Variants in FLCN observed in about 807,000 individuals in gnomAD.
FLCN encodes folliculin.
FLCN carries 22 observed loss-of-function variants against 62.5 expected under a neutral mutation model. The ratio of observed to expected loss-of-function variants is 0.35; its 90% confidence interval spans 0.25 to 0.50. The LOEUF (loss-of-function observed/expected upper bound fraction) is 0.50. Ranked by LOEUF, FLCN falls within the 20% of genes least tolerant of loss-of-function variation. FLCN has a pLI of 0.97. For synonymous variants in FLCN, 319 were observed against 310.0 expected, an observed-to-expected ratio of 1.03 and a Z score of -0.30; for missense variants, 657 against 778.0, an observed-to-expected ratio of 0.84 and a Z score of 1.85.
chr17:17,224,180 C>T lies in FLCN; in HGVS notation c.397-37G>A, dbSNP rs776200124. On this transcript the variant is annotated intron_variant, in intron 5 of 13. Transcript: ENST00000285071. ...CCGGCGACTCAGACAGCCCTTTCCT[C>T]GCTTAGTGACACCAAATCAAAGCCT... The T allele has an allele frequency of 2.4e-5, 37 of 1,525,970 alleles. No individual in the cohort carries two copies. The highest frequency in any genetic ancestry group is 2.1e-4 in the African/African-American group (15 of 72,748). 94.5% of individuals were successfully genotyped at this position (1,525,970 alleles called of 1,614,324 possible). A position where few individuals can be genotyped will look rare whatever the true frequency, so the allele number is the denominator to read the frequency against.
chr17:17,216,413 G>A lies in FLCN; in HGVS notation c.1267C>T (p.His423Tyr), dbSNP rs765628527. The A allele has an allele frequency of 3.1e-6, 5 of 1,613,766 alleles. No homozygotes were observed. The East Asian group carries it at 1.1e-4, about 36-fold the overall frequency. ...YRCNFLGLSP[H>Y]VQIPPHVLSS... ...AGCACGTGGGGGGGGATCTGCACGTGCGGGCTGAGCCCCAGGAAGTTGCAC... is the reference window on the plus strand; with the variant it reads ...AGCACGTGGGGGGGGATCTGCACGTACGGGCTGAGCCCCAGGAAGTTGCAC... Residue 423 changes from histidine to tyrosine, a missense_variant, in exon 11 of 14, where the codon CAC (histidine) becomes TAC (tyrosine). Physicochemically the swap from His to Tyr is moderately conservative, Grantham distance 83. Coordinates refer to ENST00000285071, the MANE Select transcript of FLCN (RefSeq NM_144997.7). This position sits in a 1 kb window ranked among gnomAD's most constrained non-coding sequence, Gnocchi z 4.0.
chr17:17,214,480 G>A (rs540440053), intron 13 of FLCN, among the ~76,000 whole-genome samples: 183 of 152,182 alleles, frequency 1.2e-3, no homozygotes, highest in African/African-American at 4.2e-3. Flanking sequence ...TGTAATCCCA[G>A]CTACTCCAGA....
At chr17:17,224,376 G>A (rs2047189909) in intron 5 of FLCN, 2 of 571,956 alleles carry the variant, frequency 3.5e-6, no homozygotes, top group South Asian at 3.9e-5. Context: ...AAGGCTTATT[G>A]CTTTTCTTCC....
chr17:17,229,778 G>A (rs1431768164), intron 3 of FLCN, among the ~76,000 whole-genome samples: 1 of 152,222 alleles, frequency 6.6e-6, no homozygotes, highest in Admixed American at 6.5e-5. Flanking sequence ...TCACAGGAGT[G>A]GGTAGAGAGA....
chr17:17,221,170 C>A (rs968165615), intron 8 of FLCN: 1 of 1,461,370 alleles, frequency 6.8e-7, no homozygotes, highest in African/African-American at 1.4e-5. Context: ...TTGGGACGAA[C>A]TGAAACAGAA....
chr17:17,233,364 G>A (rs1030825957), intron 1 of FLCN, among the ~76,000 whole-genome samples: 25 of 152,138 alleles, frequency 1.6e-4, no homozygotes, highest in Non-Finnish European at 3.2e-4. Context: ...TTGGGAGGCC[G>A]AGGTGGGCAG....
chr17:17,234,601 T>G (rs1396500197), intron 1 of FLCN, among the ~76,000 whole-genome samples: 4 of 150,948 alleles, frequency 2.6e-5, no homozygotes, highest in African/African-American at 9.7e-5. Context: ...CCCAGCACTT[T>G]GGGAGGCCAA....
At chr17:17,233,624 A>T (rs1467066877) in intron 1 of FLCN, among the ~76,000 whole-genome samples, 5 of 137,432 alleles carry the variant, frequency 3.6e-5, no homozygotes, top group Non-Finnish European at 6.3e-5. Context: ...AAAAAAAATT[A>T]GCCGGGCATG....
chr17:17,218,676 C>T (rs79567451), intron 9 of FLCN, among the ~76,000 whole-genome samples: 3,143 of 152,242 alleles, frequency 0.021, 110 homozygotes, highest in African/African-American at 0.071. Context: ...CCACCACGCC[C>T]AGCCAGACCA....
rs2047117873 is a variant in FLCN, at chr17:17,222,368, A to C, written c.779+133T>G. 1.4e-5 allele frequency: 18 copies of C among 1,282,338 alleles called. No homozygotes were observed. In the South Asian group the frequency reaches 2.2e-4, roughly 15 times the overall value. The allele number at this position is 1,282,338 out of a possible 1,614,324, so 79.4% of individuals were successfully genotyped here. A position where few individuals can be genotyped will look rare whatever the true frequency, so the allele number is the denominator to read the frequency against. On this transcript the variant is annotated intron_variant, in intron 7 of 13. Coordinates refer to ENST00000285071, the MANE Select transcript of FLCN (RefSeq NM_144997.7). ...TCTGTGCTCACTGACAAGTGCCCAC[A>C]GGCCAGTGCTCCTCACAGAGGCAGC...
At chr17:17,222,810 G>C in intron 6 of FLCN, 149 bp from the exon 7 acceptor site, 2 of 871,802 alleles carry the variant, frequency 2.3e-6, no homozygotes, top group South Asian at 2.8e-5. Context: ...AGTGCCACCA[G>C]TCCAATCATT....
chr17:17,233,650 A>C (rs1473346377), intron 1 of FLCN, among the ~76,000 whole-genome samples: 1 of 144,118 alleles, frequency 6.9e-6, no homozygotes. Flanking sequence ...AGTCCAAGTT[A>C]CTTGGGGGAC....
Position 17,212,233 on chromosome 17 carries a change from T to G in FLCN, c.*1422A>C, listed in dbSNP as rs2046785359. 5.9e-6 allele frequency: 1 copy of G among 168,706 alleles called. No homozygotes were observed. Among genetic ancestry groups the G allele is most frequent in the Non-Finnish European group, 1.3e-5 (1 of 77,320 alleles). The allele number at this position is 168,706 out of a possible 1,614,324, so 10.5% of individuals were successfully genotyped here. ...ACAATTTACAAAAATACATCTTTAT[T>G]GTGTTCCAATGTTGTTGCATTATAC... On this transcript the variant is annotated 3_prime_UTR_variant, in exon 14 of 14. Transcript: ENST00000285071.
chr17:17,223,979 G>A lies in FLCN; in HGVS notation c.561C>T (p.Pro187=), dbSNP rs1267713990. The change falls in exon 6 of 14, where the codon CCC becomes CCT. Residue 187 remains proline (P), a synonymous_variant. Transcript: ENST00000285071. The stretch of plus-strand genomic sequence containing the variant: ...TTCCCCGGACCTTCCCCAGCAGGAA[G>A]GGCCAGGAGTTGATGAGGTAGATCC... The part of the protein sequence containing the change: ...MDRIYLINSW[P]FLLGKVRGII... 6.2e-7 allele frequency: 1 copy of A among 1,613,516 alleles called. No individual in the cohort carries two copies. Among genetic ancestry groups the A allele is most frequent in the African/African-American group, 1.3e-5 (1 of 74,936 alleles).
At chr17:17,234,767 G>A (rs1269756351) in intron 1 of FLCN, among the ~76,000 whole-genome samples, 2 of 151,524 alleles carry the variant, frequency 1.3e-5, no homozygotes, top group African/African-American at 2.4e-5. Context: ...CACGAGGTCA[G>A]GAGTTCGAGA....
intron 8 of FLCN, chr17:17,220,467 A>G (rs954476936): frequency 6.6e-6 from 1 of 152,238 alleles, no homozygotes; most frequent in African/African-American, 2.4e-5. Flanking sequence ...AACTTCATGG[A>G]GCCCTCACAA....
intron 3 of FLCN, among the ~76,000 whole-genome samples, chr17:17,230,852 T>G (rs1054135938): frequency 5.3e-5 from 8 of 151,696 alleles, no homozygotes; most frequent in Non-Finnish European, 8.8e-5. Flanking sequence ...GAGATCGTAC[T>G]ACTACATTCC....
intron 1 of FLCN, among the ~76,000 whole-genome samples, chr17:17,233,598 CAAAAA>C (rs71152852): frequency 1.3e-5 from 1 of 75,284 alleles, no homozygotes; most frequent in Admixed American, 1.7e-4. Flanking sequence ...GACTCCATCT[CAAAAA>C]AAAAAAAAAA....
chr17:17,216,625 A>G lies in FLCN; in HGVS notation c.1177-122T>C, dbSNP rs2046933177. ...CCCGGTCCAAGCCCTCCCTCCTGCC[A>G]GAGGAGTCCCCAGACTCTCAGCCCA... On this transcript the variant is annotated intron_variant, in intron 10 of 13. Transcript: ENST00000285071. This position sits in a 1 kb window ranked among gnomAD's most constrained non-coding sequence, Gnocchi z 4.0. 6.8e-7 allele frequency: 1 copy of G among 1,474,760 alleles called. No individual in the cohort carries two copies. Among genetic ancestry groups the G allele is most frequent in the African/African-American group, 1.4e-5 (1 of 72,044 alleles). 91.4% of individuals were successfully genotyped at this position (1,474,760 alleles called of 1,614,324 possible). A position where few individuals can be genotyped will look rare whatever the true frequency, so the allele number is the denominator to read the frequency against.
Sources: allele counts gnomAD v4.1 joint callset (sites outside exome capture counted in the v4.1 genomes callset), GRCh38; gene constraint gnomAD v4.1.1; non-coding constraint Gnocchi (gnomAD v3.1); transcripts MANE v1.5; gene names NCBI Gene and HGNC (gene_info 2026-07-23, HGNC 2026-07-21).